Variants in ABR observed in about 807,000 individuals in gnomAD.
ABR encodes ABR activator of RhoGEF and GTPase, also known as active breakpoint cluster region-related protein.
Under a neutral mutation model 107.2 loss-of-function variants are expected in ABR, and 35 were observed. The ratio of observed to expected loss-of-function variants is 0.33; its 90% CI spans 0.25 to 0.43. The LOEUF (loss-of-function observed/expected upper bound fraction) is 0.43. ABR is among the 20% of genes least tolerant of loss of function. ABR has a pLI of 1.00. For missense variants in ABR, 815 were observed against 1,115.2 expected (o/e 0.73, Z 3.83); for synonymous variants, 498 against 462.0 (o/e 1.08, Z -1.00).
intron 1 of ABR, among the ~76,000 whole-genome samples, chr17:1,192,868 G>A (rs1255493681): frequency 6.6e-6 from 1 of 152,130 alleles, no homozygotes; most frequent in East Asian, 1.9e-4. Flanking sequence ...GACCAATATG[G>A]TGAAACCCCC....
At position 1,009,694 on chromosome 17, in the gene ABR, A is replaced by G. The variant is rs1299962540; in HGVS notation, c.2327T>C (p.Leu776Pro). ...DPNLITFLFL[L>P]EHLKRVAEKE... Reference sequence around the variant, plus strand: ...TCCCCGTTACCTTTTCAAGTGTTCCAGCAGGAAGAGGAAGGTGATGAGGTT... The same window carrying G: ...TCCCCGTTACCTTTTCAAGTGTTCCGGCAGGAAGAGGAAGGTGATGAGGTT... The change falls in exon 21 of 23, where the codon CTG becomes CCG. Residue 776 changes from leucine (L) to proline (P), a missense_variant. Physicochemically the swap from Leu to Pro is moderately conservative, Grantham distance 98 (BLOSUM62 -3). Transcript: ENST00000302538. 1 of 1,613,472 alleles carries G rather than the reference A, an allele frequency of 6.2e-7. No individual in the cohort carries two copies. The highest frequency in any genetic ancestry group is 1.3e-5 in the African/African-American group (1 of 74,908).
chr17:1,069,002 A>G (rs1436344823), intron 9 of ABR, among the ~76,000 whole-genome samples: 1 of 152,272 alleles, frequency 6.6e-6, no homozygotes, highest in East Asian at 1.9e-4. Context: ...TGCAGTTAGC[A>G]GAAATTCAGA....
chr17:1,172,049 A>G (rs1264530541), intron 1 of ABR, among the ~76,000 whole-genome samples: 1 of 152,232 alleles, frequency 6.6e-6, no homozygotes, highest in Non-Finnish European at 1.5e-5. Context: ...CCATACAGCC[A>G]GTAAACCCAG....
chr17:1,219,960 C>A lies in ABR; in HGVS notation c.838+8833G>T, dbSNP rs1005462808. 3.3e-5 allele frequency among the ~76,000 whole-genome samples: 5 copies of A among 151,732 alleles called. No individual in the cohort carries two copies. The South Asian group carries it at 6.3e-4, about 19-fold the overall frequency. Reference sequence around the variant, plus strand: ...TTGCAGAGAGTAGGTACTGGAGTATCTTTATACTCTAGTTCCTTCCCAGCT... The same window carrying A: ...TTGCAGAGAGTAGGTACTGGAGTATATTTATACTCTAGTTCCTTCCCAGCT... On this transcript the variant is annotated intron_variant, in intron 1 of 22. Transcript: ENST00000574139.
At position 1,210,109 on chromosome 17, in the gene ABR, G is replaced by A. The variant is rs1164570468; in HGVS notation, c.838+18684C>T. Among the ~76,000 whole-genome samples, 1 of 152,222 alleles carries A rather than the reference G, an allele frequency of 6.6e-6. No individual in the cohort carries two copies. The highest frequency in any genetic ancestry group is 1.5e-5 in the Non-Finnish European group (1 of 68,044). On this transcript the variant is annotated intron_variant, in intron 1 of 22. Coordinates refer to the ABR transcript ENST00000574139. This position sits in a 1 kb window ranked among gnomAD's most constrained non-coding sequence, Gnocchi z 5.6. ...TAAATTAGTGACGGCTGATCTCTTA[G>A]AGAGACAGGGAGAAAGTAGAGGTAG...
rs751457307 is a variant in ABR, at chr17:1,179,696, C to T, written c.32G>A (p.Arg11His). The T allele has an allele frequency of 3.2e-6, 5 of 1,558,590 alleles. No homozygotes were observed. The highest frequency in any genetic ancestry group is 1.4e-5 in the African/African-American group (1 of 70,986). Residue 11 changes from arginine to histidine, a missense_variant, in exon 1 of 23, where the codon CGC becomes CAC. This residue lies in a region of ABR where 129 missense variants were observed against 124.8 expected (regional missense o/e 1.03). Transcript: ENST00000302538. This position sits in a 1 kb window ranked among gnomAD's most constrained non-coding sequence, Gnocchi z 4.9. Reference sequence around the variant, plus strand: ...GTAGAGGGTGTCGATCCAGGACAGGCGCGGCAGGCCCCGGTGGCTGAGCGG... The same window carrying T: ...GTAGAGGGTGTCGATCCAGGACAGGTGCGGCAGGCCCCGGTGGCTGAGCGG... MEPLSHRGLP[R>H]LSWIDTLYSN...
chr17:1,124,411 A>G (rs2039497052), intron 2 of ABR, among the ~76,000 whole-genome samples: 1 of 152,124 alleles, frequency 6.6e-6, no homozygotes, highest in Admixed American at 6.5e-5. Context: ...CCCCCCACAG[A>G]GGACCGGCTT....
chr17:1,134,255 A>C (rs9909728), intron 1 of ABR, among the ~76,000 whole-genome samples: 76,339 of 151,740 alleles, frequency 0.5, 19,272 homozygotes, highest in East Asian at 0.55. Context: ...TGTACTAAAA[A>C]TACAAAAATT....
At chr17:1,205,760 T>A (rs2042776364) in intron 1 of ABR, among the ~76,000 whole-genome samples, 1 of 152,120 alleles carries the variant, frequency 6.6e-6, no homozygotes, top group South Asian at 2.1e-4. Context: ...CTGGCCAACA[T>A]GGTGAAACCC....
intron 2 of ABR, among the ~76,000 whole-genome samples, chr17:1,120,469 G>A (rs1308388579): frequency 1.3e-5 from 2 of 152,078 alleles, no homozygotes; most frequent in Non-Finnish European, 1.5e-5. Flanking sequence ...AGTAGAGACG[G>A]GGTTTCACCA....
chr17:1,142,580 C>A (rs2040330431), intron 1 of ABR, among the ~76,000 whole-genome samples: 2 of 144,554 alleles, frequency 1.4e-5, no homozygotes, highest in South Asian at 2.3e-4. Flanking sequence ...AGCGAAACTC[C>A]ATCTCAAAAA....
At chr17:1,126,708 CT>C (rs1275503185) in intron 1 of ABR, among the ~76,000 whole-genome samples, 2 of 152,202 alleles carry the variant, frequency 1.3e-5, no homozygotes, top group Non-Finnish European at 2.9e-5. Flanking sequence ...CCCAGACATC[CT>C]TTCCTCCAGG....
chr17:1,048,917 C>CAG (rs1425600105), intron 16 of ABR, among the ~76,000 whole-genome samples: 2 of 152,242 alleles, frequency 1.3e-5, no homozygotes. Context: ...CCCTTCATTT[C>CAG]ATGGTCACAG....
At chr17:1,116,633 A>G (rs942580645) in intron 2 of ABR, among the ~76,000 whole-genome samples, 1 of 152,182 alleles carries the variant, frequency 6.6e-6, no homozygotes, top group Non-Finnish European at 1.5e-5. Flanking sequence ...GACGGGACCC[A>G]GGGTCACAAC....
chr17:1,166,573 G>A (rs1024097531), intron 1 of ABR, among the ~76,000 whole-genome samples: 6 of 152,220 alleles, frequency 3.9e-5, no homozygotes, highest in African/African-American at 1.2e-4. Context: ...AGGCTCCCAC[G>A]TTGTGCTAAG....
intron 1 of ABR, among the ~76,000 whole-genome samples, chr17:1,170,209 C>T (rs946961861): frequency 3.3e-5 from 5 of 152,072 alleles, no homozygotes; most frequent in African/African-American, 7.2e-5. Context: ...CCTCATATCA[C>T]GGGGGCTTGG....
intron 1 of ABR, 67 bp from the exon 2 acceptor site, chr17:1,125,434 G>T (rs766961918): frequency 1.0e-5 from 16 of 1,586,878 alleles, no homozygotes; most frequent in African/African-American, 1.3e-5. Flanking sequence ...TGGTAGCGTA[G>T]TGGGCGCCGG....
At chr17:1,026,384 C>T (rs2586258) in intron 16 of ABR, among the ~76,000 whole-genome samples, 29,325 of 152,236 alleles carry the variant, frequency 0.19, 3,358 homozygotes, top group Admixed American at 0.33. Context: ...ATGGGAAGGG[C>T]GCTGTGGATG....
At chr17:1,058,633 G>C (rs948260232) in intron 11 of ABR, 112 bp downstream of exon 11, 1 of 1,392,394 alleles carries the variant, frequency 7.2e-7, no homozygotes, top group Non-Finnish European at 9.6e-7. Flanking sequence ...AGCCTCCTCA[G>C]GAAGAGGGGG....
Sources: gnomAD v4.1 joint callset for allele counts (sites outside exome capture counted in the v4.1 genomes callset) on GRCh38, gnomAD v4.1.1 for gene constraint, gnomAD v4.1.1 regional missense constraint, Gnocchi (gnomAD v3.1) non-coding constraint, MANE v1.5 for transcripts, NCBI Gene and HGNC (gene_info 2026-07-23, HGNC 2026-07-21) for gene names.